NTRK2: variants seen among roughly 807,000 people sequenced by gnomAD.
NTRK2 encodes the protein BDNF/NT-3 growth factors receptor.
A neutral mutation model predicts 94.5 loss-of-function variants in NTRK2; 13 were observed. That is an observed-to-expected ratio of 0.14 (90% CI 0.09 to 0.22). The LOEUF is 0.22. Among genes scored for constraint, NTRK2 ranks in the 10% least tolerant of loss-of-function variants. The probability of loss-of-function intolerance (pLI) is 1.00; values close to 1 mark genes in which losing one functional copy is unlikely to be tolerated. For missense variants in NTRK2, 639 were observed against 1,071.2 expected, an observed-to-expected ratio of 0.60 and a Z score of 5.63; for synonymous variants, 372 against 407.4, an observed-to-expected ratio of 0.91 and a Z score of 1.05.
chr9:84,904,264 A>T (rs2077012305), intron 14 of NTRK2, among the ~76,000 whole-genome samples: 1 of 152,250 alleles, frequency 6.6e-6, no homozygotes, highest in South Asian at 2.1e-4. Context: ...GAACTTGCCT[A>T]GCTGTATAAC....
intron 12 of NTRK2, among the ~76,000 whole-genome samples, chr9:84,797,627 T>TACTATATATTA (rs1223763728): frequency 1.0e-4 from 6 of 59,210 alleles, no homozygotes; most frequent in African/African-American, 5.1e-4. Context: ...ATACTATATA[T>TACTATATATTA]TATATATTAT....
At chr9:84,997,525 A>G (rs922838382) in intron 17 of NTRK2, among the ~76,000 whole-genome samples, 6 of 152,188 alleles carry the variant, frequency 3.9e-5, no homozygotes, top group Non-Finnish European at 8.8e-5. Flanking sequence ...CCTGTACCAG[A>G]AAAGGGACTA....
In NTRK2 at chr9:84,812,435, G is replaced by A. The variant is rs1178949898; in HGVS notation, c.1397-48605G>A. The A allele has an allele frequency of 3.8e-6, 4 of 1,054,834 alleles. No homozygotes were observed. In the Admixed American group the frequency reaches 1.6e-4, roughly 43 times the overall value. 65.3% of individuals were successfully genotyped at this position (1,054,834 alleles called of 1,614,324 possible). On this transcript the variant is annotated intron_variant, in intron 12 of 18. Transcript: ENST00000277120. ...CTAACTCCATTTGAATGTAAGGGCA[G>A]CTGGCCCCCAATGTGGGGAGGTCCG...
At chr9:84,993,359 T>G (rs938726594) in intron 17 of NTRK2, among the ~76,000 whole-genome samples, 4 of 152,210 alleles carry the variant, frequency 2.6e-5, no homozygotes, top group African/African-American at 9.7e-5. Context: ...CCTCTCCCAA[T>G]AGCCTCTTTC....
chr9:84,751,296 C>G (rs890123389), intron 11 of NTRK2, among the ~76,000 whole-genome samples: 9 of 152,274 alleles, frequency 5.9e-5, no homozygotes, highest in Non-Finnish European at 4.4e-5. Flanking sequence ...CAAGAATTAT[C>G]GGGCTGGATG....
At chr9:84,685,874 G>A (rs562424146) in intron 2 of NTRK2, among the ~76,000 whole-genome samples, 5 of 152,186 alleles carry the variant, frequency 3.3e-5, no homozygotes, top group Non-Finnish European at 5.9e-5. Flanking sequence ...GTGTGCCTGT[G>A]CACCTGTCTG....
At chr9:84,826,435 C>T (rs183010722) in intron 12 of NTRK2, among the ~76,000 whole-genome samples, 2 of 152,312 alleles carry the variant, frequency 1.3e-5, no homozygotes, top group East Asian at 3.9e-4. Context: ...TTTTTAATAA[C>T]ATTTGCAAAG....
intron 17 of NTRK2, among the ~76,000 whole-genome samples, chr9:84,968,596 G>T (rs1003705760): frequency 2.0e-5 from 3 of 152,126 alleles, no homozygotes; most frequent in East Asian, 3.9e-4. Context: ...AGGAACATAG[G>T]CAGGCAGACA....
At chr9:84,778,129 G>A (rs1198228059) in intron 12 of NTRK2, among the ~76,000 whole-genome samples, 1 of 152,128 alleles carries the variant, frequency 6.6e-6, no homozygotes, top group Admixed American at 6.6e-5. Context: ...CCAGAGTGGT[G>A]GCGGGCACCT....
At chr9:84,964,228 TG>T (rs1201322537) in intron 17 of NTRK2, among the ~76,000 whole-genome samples, 12 of 152,316 alleles carry the variant, frequency 7.9e-5, no homozygotes, top group African/African-American at 2.9e-4. Context: ...GCATTTATAT[TG>T]CATGGGAACA....
At chr9:84,873,215 T>C (rs199544330) in intron 14 of NTRK2, 1 of 1,061,860 alleles carries the variant, frequency 9.4e-7, no homozygotes, top group South Asian at 4.6e-5. Flanking sequence ...TATTAATGTT[T>C]TGTCTTTCAA....
chr9:84,843,976 C>A (rs566954408), intron 12 of NTRK2, among the ~76,000 whole-genome samples: 18 of 152,292 alleles, frequency 1.2e-4, no homozygotes, highest in African/African-American at 4.1e-4. Context: ...AGGCAAGACA[C>A]AGCACAATAT....
chr9:84,758,634 AC>A (rs1185229341), intron 12 of NTRK2, among the ~76,000 whole-genome samples: 14 of 152,020 alleles, frequency 9.2e-5, no homozygotes, highest in African/African-American at 2.9e-4. Flanking sequence ...CAGGTGATCC[AC>A]CCGCCTCAGC....
intron 12 of NTRK2, among the ~76,000 whole-genome samples, chr9:84,840,238 A>C (rs912254636): frequency 6.9e-6 from 1 of 143,916 alleles, no homozygotes; most frequent in Admixed American, 7.0e-5. Flanking sequence ...ACCTTGATGC[A>C]TTCCAGGACC....
At position 84,727,913 on chromosome 9, in the gene NTRK2, G is replaced by A. The variant is rs201336953; in HGVS notation, c.1113G>A (p.Glu371=). Residue 371 remains glutamate (E), a synonymous_variant, in exon 9 of 19, where the codon GAG becomes GAA. Transcript: ENST00000277120. Reference sequence around the variant, plus strand: ...CCAAGAATGAGTATGGGAAGGATGAGAAACAGATTTCTGCTCACTTCATGG... The same window carrying A: ...CCAAGAATGAGTATGGGAAGGATGAAAAACAGATTTCTGCTCACTTCATGG... ...LIAKNEYGKD[E]KQISAHFMGW... 1 of 1,614,202 alleles carries A rather than the reference G, an allele frequency of 6.2e-7. No individual in the cohort carries two copies. Among genetic ancestry groups the A allele is most frequent in the Non-Finnish European group, 8.5e-7 (1 of 1,180,026 alleles).
chr9:84,773,895 C>T (rs1432117967), intron 12 of NTRK2, among the ~76,000 whole-genome samples: 1 of 152,142 alleles, frequency 6.6e-6, no homozygotes, highest in Non-Finnish European at 1.5e-5. Flanking sequence ...CAACATGTCT[C>T]TGTGAGATAT....
intron 12 of NTRK2, among the ~76,000 whole-genome samples, chr9:84,854,905 C>A (rs889918199): frequency 7.2e-6 from 1 of 139,634 alleles, no homozygotes; most frequent in Admixed American, 7.7e-5. Context: ...TGAGATTGCA[C>A]CACTGCACTC....
At chr9:84,847,005 C>T (rs1256244616) in intron 12 of NTRK2, among the ~76,000 whole-genome samples, 1 of 152,202 alleles carries the variant, frequency 6.6e-6, no homozygotes, top group Non-Finnish European at 1.5e-5. Flanking sequence ...GCTGCAGCTC[C>T]TTGGGATTCA....
chr9:84,953,480 A>G (rs78006236), intron 16 of NTRK2, among the ~76,000 whole-genome samples: 3,480 of 152,324 alleles, frequency 0.023, 127 homozygotes, highest in African/African-American at 0.08. Context: ...CAGCAAGTGT[A>G]GGACAGGATC....
Sources: allele counts gnomAD v4.1 joint callset (sites outside exome capture counted in the v4.1 genomes callset), GRCh38; gene constraint gnomAD v4.1.1; transcripts MANE v1.5; gene names NCBI Gene and HGNC (gene_info 2026-07-23, HGNC 2026-07-21).